NAALADL2: variants seen among roughly 807,000 people sequenced by gnomAD.
NAALADL2 encodes inactive N-acetylated-alpha-linked acidic dipeptidase-like protein 2.
A neutral mutation model predicts 87.2 loss-of-function variants in NAALADL2; 76 were observed. That is an observed-to-expected ratio of 0.87 (90% CI 0.72 to 1.05). NAALADL2 has a LOEUF of 1.05. Among genes scored for constraint, NAALADL2 ranks in the 50% least tolerant of loss-of-function variants. The pLI is 0.00. For synonymous variants in NAALADL2, 354 were observed against 331.0 expected (o/e 1.07, Z -0.75); for missense variants, 1,089 against 945.8 (o/e 1.15, Z -1.99).
chr3:174,977,429 T>C (rs1203378095), intron 1 of NAALADL2, among the ~76,000 whole-genome samples: 1 of 152,190 alleles, frequency 6.6e-6, no homozygotes, highest in African/African-American at 2.4e-5. Flanking sequence ...CCGACCTAGA[T>C]GTGTAACCTT....
chr3:174,767,713 T>G (rs148529189), intron 3 of NAALADL2, among the ~76,000 whole-genome samples: 2 of 152,238 alleles, frequency 1.3e-5, no homozygotes, highest in Non-Finnish European at 2.9e-5. Context: ...GCTTTTATTT[T>G]CTGGTTCTAT....
chr3:175,219,860 T>A (rs1743079386), intron 2 of NAALADL2, among the ~76,000 whole-genome samples: 1 of 144,572 alleles, frequency 6.9e-6, no homozygotes, highest in African/African-American at 2.8e-5. Context: ...TAGTTTGTGG[T>A]TTTCTTTCTT....
intron 2 of NAALADL2, among the ~76,000 whole-genome samples, chr3:174,561,046 C>T (rs1377956833): frequency 6.6e-6 from 1 of 152,020 alleles, no homozygotes; most frequent in Non-Finnish European, 1.5e-5. Flanking sequence ...ATAGCAGGGT[C>T]TTGTAGTGGG....
chr3:175,623,457 A>T (rs1726526132), intron 10 of NAALADL2, among the ~76,000 whole-genome samples: 1 of 152,070 alleles, frequency 6.6e-6, no homozygotes, highest in African/African-American at 2.4e-5. Context: ...AGGCATGGGG[A>T]TTATAGTGTG....
chr3:175,806,692 T>A lies in NAALADL2; in HGVS notation c.*3489T>A, dbSNP rs1406594707. Reference sequence around the variant, plus strand: ...TTTTAGAATTTTTCCCATGTATCCTTTTTTTTTTTTTTTTTTTTTTTTAAT... The same window carrying A: ...TTTTAGAATTTTTCCCATGTATCCTATTTTTTTTTTTTTTTTTTTTTTAAT... On this transcript the variant is annotated 3_prime_UTR_variant, in exon 14 of 14. Transcript: ENST00000454872. 1 of 78,666 alleles carries A rather than the reference T, an allele frequency of 1.3e-5. No homozygotes were observed. The highest frequency in any genetic ancestry group is 3.7e-4 in the South Asian group (1 of 2,728). 4.9% of individuals were successfully genotyped at this position (78,666 alleles called of 1,614,324 possible). A position where few individuals can be genotyped will look rare whatever the true frequency, so the allele number is the denominator to read the frequency against.
At chr3:175,716,163 ATATAT>A (rs1394102122) in intron 11 of NAALADL2, among the ~76,000 whole-genome samples, 2 of 146,714 alleles carry the variant, frequency 1.4e-5, no homozygotes, top group Admixed American at 6.9e-5. Flanking sequence ...ATAATATATA[ATATAT>A]TGGAATACAT....
intron 3 of NAALADL2, among the ~76,000 whole-genome samples, chr3:174,803,967 C>T (rs1015780233): frequency 6.6e-6 from 1 of 152,002 alleles, no homozygotes. Context: ...TTTTTGGTTC[C>T]ATATGAACTT....
intron 10 of NAALADL2, among the ~76,000 whole-genome samples, chr3:175,621,420 C>T (rs1219209669): frequency 6.6e-6 from 1 of 152,194 alleles, no homozygotes; most frequent in Non-Finnish European, 1.5e-5. Context: ...TTTTATACCC[C>T]TTTCAAGTGT....
In NAALADL2 at chr3:174,787,606, T is replaced by C. The variant is rs1312102118; in HGVS notation, c.-9+49860T>C. Among the ~76,000 whole-genome samples, 59 of 104,816 alleles carry C rather than the reference T, an allele frequency of 5.6e-4. 6 individuals carry two copies. Among genetic ancestry groups the C allele is most frequent in the African/African-American group, 1.4e-3 (45 of 31,618 alleles). 68.8% of individuals were successfully genotyped at this position (104,816 alleles called of 152,430 possible). ...ATATATATATATATATATATATATATATATATATATATATAGTAGTGACTC... is the reference window on the plus strand; with the variant it reads ...ATATATATATATATATATATATATACATATATATATATATAGTAGTGACTC... On this transcript the variant is annotated intron_variant, in intron 3 of 3. Transcript: ENST00000434257.
intron 2 of NAALADL2, among the ~76,000 whole-genome samples, chr3:175,187,508 C>T (rs554332225): frequency 2.6e-5 from 4 of 152,042 alleles, no homozygotes; most frequent in South Asian, 4.2e-4. Flanking sequence ...TTTTTGTTCC[C>T]GCAAGTCTTT....
rs376211080 is a variant in NAALADL2 at position 175,063,022 on chromosome 3, A to G, written c.44-33768A>G. Among the ~76,000 whole-genome samples the G allele has an allele frequency of 1.1e-4, 16 of 152,264 alleles. No homozygotes were observed. The South Asian group carries it at 3.1e-3, about 30-fold the overall frequency. On this transcript the variant is annotated intron_variant, in intron 1 of 13. Coordinates refer to ENST00000454872, the MANE Select transcript of NAALADL2 (RefSeq NM_207015.3). The stretch of plus-strand genomic sequence containing the variant: ...TGTGATAATAATGTATTTCATACTT[A>G]ACATATTTTTTTCTACATATATTTT...
chr3:175,378,849 T>C (rs1767459108), intron 5 of NAALADL2, among the ~76,000 whole-genome samples: 1 of 152,200 alleles, frequency 6.6e-6, no homozygotes, highest in African/African-American at 2.4e-5. Context: ...TAGTTCATCA[T>C]GGCTAAGAGT....
intron 1 of NAALADL2, among the ~76,000 whole-genome samples, chr3:174,478,483 A>G (rs948658538): frequency 5.3e-5 from 8 of 152,116 alleles, no homozygotes; most frequent in Admixed American, 2.0e-4. Flanking sequence ...ATGAGTCAGT[A>G]TTAGAAATCA....
chr3:175,471,526 C>T (rs1283619007), intron 8 of NAALADL2, 113 bp from the exon 9 acceptor site: 3 of 622,362 alleles, frequency 4.8e-6, no homozygotes, highest in Non-Finnish European at 8.2e-6. Flanking sequence ...GGTAATTATG[C>T]AATATAATAA....
At chr3:175,342,299 G>A (rs551060113) in intron 5 of NAALADL2, among the ~76,000 whole-genome samples, 10 of 152,238 alleles carry the variant, frequency 6.6e-5, no homozygotes, top group Non-Finnish European at 1.5e-4. Context: ...AAAAGGAGCA[G>A]GTACTTTGTG....
At chr3:174,581,686 C>A (rs1344502960) in intron 2 of NAALADL2, among the ~76,000 whole-genome samples, 1 of 152,144 alleles carries the variant, frequency 6.6e-6, no homozygotes, top group African/African-American at 2.4e-5. Flanking sequence ...TCTCCTAATT[C>A]TCTTGCCAGG....
chr3:175,030,995 T>C (rs1580112089), intron 1 of NAALADL2, among the ~76,000 whole-genome samples: 1 of 152,040 alleles, frequency 6.6e-6, no homozygotes, highest in East Asian at 1.9e-4. Flanking sequence ...AGTGTGATAT[T>C]AATGACTTCT....
chr3:175,300,719 T>G (rs1756950951), intron 4 of NAALADL2, among the ~76,000 whole-genome samples: 1 of 150,952 alleles, frequency 6.6e-6, no homozygotes, highest in Admixed American at 6.6e-5. Context: ...TTTGTTAATA[T>G]TTTCAAAAAA....
chr3:175,546,000 A>C (rs1713243070), intron 9 of NAALADL2, among the ~76,000 whole-genome samples: 1 of 152,296 alleles, frequency 6.6e-6, no homozygotes, highest in Admixed American at 6.5e-5. Context: ...TATTTTGATA[A>C]GGTAAATAAA....
Sources: allele counts gnomAD v4.1 joint callset (sites outside exome capture counted in the v4.1 genomes callset), GRCh38; gene constraint gnomAD v4.1.1; transcripts MANE v1.5; gene names NCBI Gene and HGNC (gene_info 2026-07-23, HGNC 2026-07-21).